RPS6KA2: variants seen among roughly 807,000 people sequenced by gnomAD.
RPS6KA2 encodes the protein ribosomal protein S6 kinase alpha-2.
In RPS6KA2, 42 loss-of-function variants were observed where a neutral mutation model predicts 91.8. The ratio of observed to expected loss-of-function variants is 0.46; its 90% CI spans 0.36 to 0.59. The LOEUF is 0.59. RPS6KA2 is among the 20% of genes least tolerant of loss of function. The probability of loss-of-function intolerance (pLI) is 0.00; values close to 1 mark genes in which losing one functional copy is unlikely to be tolerated. For missense variants in RPS6KA2, 798 were observed against 978.5 expected, an observed-to-expected ratio of 0.82 and a Z score of 2.46; for synonymous variants, 414 against 393.6, an observed-to-expected ratio of 1.05 and a Z score of -0.61.
chr6:166,642,129 C>T (rs9356499), intron 2 of RPS6KA2, among the ~76,000 whole-genome samples: 16,976 of 150,436 alleles, frequency 0.11, 1,009 homozygotes, highest in South Asian at 0.19. Context: ...TACCAAAAAC[C>T]GAAAAAAAAA....
chr6:166,498,707 A>C (rs6456090), intron 7 of RPS6KA2, 57 bp from the exon 8 acceptor site: 165,627 of 1,593,526 alleles, frequency 0.1, 15,071 homozygotes, highest in African/African-American at 0.48. Flanking sequence ...TCGGGGGTCC[A>C]CACTCAGGCG....
At chr6:166,637,150 G>A (rs2128548209) in intron 2 of RPS6KA2, among the ~76,000 whole-genome samples, 1 of 152,324 alleles carries the variant, frequency 6.6e-6, no homozygotes, top group African/African-American at 2.4e-5. Flanking sequence ...GGACCAGGTG[G>A]CTTAGGTCTG....
At chr6:166,850,480 A>C (rs1345101335) in intron 2 of RPS6KA2, among the ~76,000 whole-genome samples, 1 of 152,212 alleles carries the variant, frequency 6.6e-6, no homozygotes, top group Non-Finnish European at 1.5e-5. Flanking sequence ...GGGAGGTATA[A>C]TTTTTAAAAG....
At chr6:166,810,519 A>G (rs1024545672) in intron 2 of RPS6KA2, among the ~76,000 whole-genome samples, 10 of 152,268 alleles carry the variant, frequency 6.6e-5, no homozygotes, top group African/African-American at 2.4e-4. Context: ...AATCCTATGC[A>G]CTTGAGGCTA....
At chr6:166,702,419 T>C in intron 2 of RPS6KA2, 1 of 1,586,748 alleles carries the variant, frequency 6.3e-7, no homozygotes, top group Non-Finnish European at 8.6e-7. Context: ...ATTCAGTTTG[T>C]CTAGTGCTTG....
intron 2 of RPS6KA2, among the ~76,000 whole-genome samples, chr6:166,847,544 A>T (rs942910958): frequency 2.0e-5 from 3 of 152,216 alleles, no homozygotes; most frequent in Non-Finnish European, 4.4e-5. Flanking sequence ...ACAGCATGGT[A>T]CTTGAATAAA....
chr6:166,641,719 CAAAAAAAAAAAAAAAAAAAAAAAAAAAA>C (rs71032871), intron 2 of RPS6KA2, among the ~76,000 whole-genome samples: 51 of 28,548 alleles, frequency 1.8e-3, no homozygotes, highest in African/African-American at 2.9e-3. Context: ...GACTCTGTCA[CAAAAAAAAAAAAAAAAAAAAAAAAAAAA>C]AAAAAAAAAA....
At chr6:166,740,092 C>T (rs903479892) in intron 2 of RPS6KA2, among the ~76,000 whole-genome samples, 1 of 152,254 alleles carries the variant, frequency 6.6e-6, no homozygotes, top group Non-Finnish European at 1.5e-5. Flanking sequence ...TGAGCATTCT[C>T]TATGAACATG....
rs564518579 is a variant in RPS6KA2, at chr6:166,778,632, G to A, written c.123+79568C>T. On this transcript the variant is annotated intron_variant, in intron 2 of 21. Coordinates refer to the RPS6KA2 transcript ENST00000503859. Reference sequence around the variant, plus strand: ...AATATAAAAATTAGACGGTTGTGGTGGCACGCGCCTATAGTCCCAGCTACT... The same window carrying A: ...AATATAAAAATTAGACGGTTGTGGTAGCACGCGCCTATAGTCCCAGCTACT... Among the ~76,000 whole-genome samples, 29 of 152,292 alleles carry A rather than the reference G, an allele frequency of 1.9e-4. 2 individuals are homozygous for A. In the South Asian group the frequency reaches 6.0e-3, roughly 32 times the overall value.
At chr6:166,858,833 C>T (rs1302436225) in intron 1 of RPS6KA2, among the ~76,000 whole-genome samples, 1 of 152,278 alleles carries the variant, frequency 6.6e-6, no homozygotes, top group African/African-American at 2.4e-5. Flanking sequence ...TACTTAACAA[C>T]TTGGAGCCAC....
At chr6:166,441,478 C>A (rs537309122) in intron 14 of RPS6KA2, among the ~76,000 whole-genome samples, 29 of 152,266 alleles carry the variant, frequency 1.9e-4, no homozygotes, top group Non-Finnish European at 4.0e-4. Flanking sequence ...AGCTGCACAG[C>A]CACCTCTGTT....
At chr6:166,540,248 C>T (rs767797407) in intron 1 of RPS6KA2, among the ~76,000 whole-genome samples, 79 of 152,276 alleles carry the variant, frequency 5.2e-4, no homozygotes, top group African/African-American at 1.5e-3. Context: ...TTTCTCAAAA[C>T]GGTTACTTAT....
chr6:166,436,046 T>A (rs1779289695), intron 14 of RPS6KA2, among the ~76,000 whole-genome samples: 1 of 152,168 alleles, frequency 6.6e-6, no homozygotes, highest in Admixed American at 6.5e-5. Flanking sequence ...ACTGTTAAGA[T>A]TCAACAAATT....
intron 2 of RPS6KA2, among the ~76,000 whole-genome samples, chr6:166,724,034 T>A (rs1790266404): frequency 6.6e-6 from 1 of 152,198 alleles, no homozygotes; most frequent in Admixed American, 6.5e-5. Flanking sequence ...TTTTGTAATA[T>A]GTTTCATGGA....
At chr6:166,616,401 C>T (rs896333437) in intron 1 of RPS6KA2, among the ~76,000 whole-genome samples, 5 of 148,986 alleles carry the variant, frequency 3.4e-5, no homozygotes, top group Admixed American at 2.0e-4. Context: ...CCACCACTAA[C>T]GGGACCCGCC....
intron 2 of RPS6KA2, among the ~76,000 whole-genome samples, chr6:166,703,546 G>A (rs1309933641): frequency 2.0e-5 from 3 of 152,224 alleles, no homozygotes; most frequent in Non-Finnish European, 4.4e-5. Context: ...GCTCAGCAGC[G>A]TGTTACATCC....
At chr6:166,520,943 A>G (rs995754447) in intron 3 of RPS6KA2, among the ~76,000 whole-genome samples, 3 of 152,222 alleles carry the variant, frequency 2.0e-5, no homozygotes, top group Admixed American at 1.3e-4. Context: ...GCCCCAGGGT[A>G]GAATGATTTA....
At chr6:166,426,106 C>T (rs1175484464) in intron 16 of RPS6KA2, among the ~76,000 whole-genome samples, 1 of 152,168 alleles carries the variant, frequency 6.6e-6, no homozygotes, top group Non-Finnish European at 1.5e-5. Flanking sequence ...AACTATCTCT[C>T]AGACCACAGT....
Position 166,603,769 on chromosome 6 carries a change from T to C in RPS6KA2, c.99+23152A>G, listed in dbSNP as rs748049926. Among the ~76,000 whole-genome samples the C allele has an allele frequency of 2.6e-5, 4 of 152,204 alleles. No homozygotes were observed. The highest frequency in any genetic ancestry group is 5.9e-5 in the Non-Finnish European group (4 of 68,044). On this transcript the variant is annotated intron_variant, in intron 1 of 20. Coordinates refer to ENST00000265678, the MANE Select transcript of RPS6KA2 (RefSeq NM_021135.6). The surrounding 1 kb of genome is among the most constrained non-coding windows in gnomAD (Gnocchi z 4.3). ...TGCAGAAGGGAGGCCAGGGAATGGC[T>C]GTGGCCCAGGTGTATCAAATAAATG...
Sources: allele counts gnomAD v4.1 joint callset (sites outside exome capture counted in the v4.1 genomes callset), GRCh38; gene constraint gnomAD v4.1.1; non-coding constraint Gnocchi (gnomAD v3.1); transcripts MANE v1.5; gene names NCBI Gene and HGNC (gene_info 2026-07-23, HGNC 2026-07-21).